The following TP53I13 variants were observed in gnomAD, a reference collection of about 807,000 sequenced individuals.
TP53I13 encodes tumor protein p53 inducible protein 13.
In TP53I13, 27 loss-of-function variants were observed where a neutral mutation model predicts 39.1. The observed-to-expected ratio is 0.69, with a 90% CI of 0.51 to 0.95. The LOEUF (loss-of-function observed/expected upper bound fraction) is 0.95, where lower values mean the gene tolerates loss of function less well. Ranked by LOEUF, TP53I13 falls within the 40% of genes least tolerant of loss-of-function variation. The pLI, the probability that TP53I13 is intolerant of heterozygous loss-of-function variation, is 0.00. For synonymous variants in TP53I13, 230 were observed against 224.6 expected, an observed-to-expected ratio of 1.02 and a Z score of -0.22; for missense variants, 544 against 520.4, an observed-to-expected ratio of 1.05 and a Z score of -0.44.
the TP53I13 span, chr17:29,578,648 G>A: frequency 4.0e-6 from 5 of 1,247,778 alleles, no homozygotes; most frequent in South Asian, 4.8e-5. Flanking sequence ...CATCGAGTCA[G>A]AGGCAGAGGA....
chr17:29,580,536 T>C, the TP53I13 span, among the ~76,000 whole-genome samples: 6 of 151,798 alleles, frequency 4.0e-5, no homozygotes, highest in African/African-American at 1.5e-4. Context: ...TGGCAGGGGG[T>C]GTCCCACACT....
rs371528446 is a variant in TP53I13, at chr17:29,572,155, C to A, written c.527C>A (p.Ala176Asp). The A allele has an allele frequency of 3.2e-5, 52 of 1,608,316 alleles. No individual in the cohort carries two copies. In the South Asian group the frequency reaches 4.8e-4, roughly 15 times the overall value. The change falls in exon 6 of 7, where the codon GCC becomes GAC. Residue 176 changes from alanine (A) to aspartate (D), a missense_variant. Ala to Asp is a moderately radical substitution (Grantham distance 126). Coordinates refer to ENST00000301057, the MANE Select transcript of TP53I13 (RefSeq NM_138349.4). ...TCCTCTCCTTAGGCCCTGGCTCTGG[C>A]CTTTGCTCTGCGGAGCTGGCGGCCC... ...RRGCVQALALAFALRSWRPPG... is the reference protein window; with the variant it reads ...RRGCVQALALDFALRSWRPPG...
the TP53I13 span, chr17:29,578,470 T>G: frequency 9.1e-7 from 1 of 1,103,074 alleles, no homozygotes; most frequent in African/African-American, 1.5e-5. Context: ...ACCGGTGGCC[T>G]TCCTTGTGCT....
chr17:29,577,299 G>T, downstream of TP53I13: 1 of 1,379,052 alleles, frequency 7.3e-7, no homozygotes, highest in Non-Finnish European at 1.0e-6. Flanking sequence ...TATGACTGAC[G>T]CAGGACGGCA....
intron 3 of TP53I13, chr17:29,570,865 A>G (rs1159850466): frequency 6.6e-6 from 1 of 152,304 alleles, no homozygotes; most frequent in African/African-American, 2.4e-5. Flanking sequence ...CCCTCCTGCC[A>G]TACTCCCCCA....
the TP53I13 span, chr17:29,581,669 G>A: frequency 8.7e-7 from 1 of 1,151,830 alleles, no homozygotes; most frequent in Admixed American, 1.7e-5. This position sits in a 1 kb window ranked among gnomAD's most constrained non-coding sequence, Gnocchi z 4.8. Context: ...CCTGCTGCCG[G>A]GTGCGTCCAG....
At position 29,572,331 on chromosome 17, in the gene TP53I13, T is replaced by G; in HGVS notation, c.703T>G (p.Ser235Ala). 6.2e-7 allele frequency: 1 copy of G among 1,611,868 alleles called. No homozygotes were observed. The highest frequency in any genetic ancestry group is 8.5e-7 in the Non-Finnish European group (1 of 1,179,172). The change falls in exon 6 of 7, where the codon TCC becomes GCC. Residue 235 changes from serine (S) to alanine (A), a missense_variant. Coordinates refer to ENST00000301057, the MANE Select transcript of TP53I13 (RefSeq NM_138349.4). Reference sequence around the variant, plus strand: ...CCCAGGGAGCTTGAAGGCCAAGCAGTCCATGGCGGGAATCCCTGGTAGGGA... The same window carrying G: ...CCCAGGGAGCTTGAAGGCCAAGCAGGCCATGGCGGGAATCCCTGGTAGGGA... ...ASPGSLKAKQ[S>A]MAGIPGRESN...
chr17:29,577,837 A>G (rs529707796), downstream of TP53I13: 15 of 764,390 alleles, frequency 2.0e-5, no homozygotes, highest in Middle Eastern at 1.7e-3. Context: ...AGCTGCCCCC[A>G]CGCCTACTGA....
chr17:29,574,922 G>A, downstream of TP53I13: 5 of 1,552,044 alleles, frequency 3.2e-6, no homozygotes, highest in Non-Finnish European at 3.5e-6. Context: ...CCTCTGGAGG[G>A]GGCAGGAGTG....
At chr17:29,575,416 C>T, downstream of TP53I13, 1 of 1,613,298 alleles carries the variant, frequency 6.2e-7, no homozygotes, top group Non-Finnish European at 8.5e-7. This position sits in a 1 kb window ranked among gnomAD's most constrained non-coding sequence, Gnocchi z 5.5. Flanking sequence ...GGCTTTCCAG[C>T]TCTGGGTGGA....
the TP53I13 span, chr17:29,581,760 G>A: frequency 1.2e-6 from 2 of 1,611,068 alleles, no homozygotes; most frequent in Non-Finnish European, 1.7e-6. The surrounding 1 kb of genome is among the most constrained non-coding windows in gnomAD (Gnocchi z 4.8). Context: ...CGTCCACAGA[G>A]GTAGAAGGCC....
chr17:29,568,664 GC>G (rs200199476), upstream of TP53I13: 371,536 of 819,156 alleles, frequency 0.45, 86,372 homozygotes, highest in East Asian at 0.67. This position sits in a 1 kb window ranked among gnomAD's most constrained non-coding sequence, Gnocchi z 4.5. Context: ...GGCGGCGCGG[GC>G]GGCGCGGGGG....
downstream of TP53I13, chr17:29,573,344 A>C (rs2033049355): frequency 6.1e-6 from 1 of 163,962 alleles, no homozygotes; most frequent in Non-Finnish European, 1.3e-5. Flanking sequence ...TTATTCGCAA[A>C]CTAACTCTTC....
At chr17:29,575,317 C>T (rs1409281787), downstream of TP53I13, 1 of 1,613,260 alleles carries the variant, frequency 6.2e-7, no homozygotes, top group Non-Finnish European at 8.5e-7. The surrounding 1 kb of genome is among the most constrained non-coding windows in gnomAD (Gnocchi z 5.5). Context: ...GGGCTGCCCG[C>T]AACAGTTCCT....
At chr17:29,566,917 A>G, upstream of TP53I13, 1 of 1,486,932 alleles carries the variant, frequency 6.7e-7, no homozygotes, top group Non-Finnish European at 8.9e-7. Flanking sequence ...CAGGCCGAGA[A>G]GGGCGAGCAC....
chr17:29,570,966 A>C (rs533535734), intron 3 of TP53I13: 3 of 152,268 alleles, frequency 2.0e-5, no homozygotes, highest in Non-Finnish European at 4.4e-5. Context: ...CTCTGAATCT[A>C]TCTCTGATAA....
In TP53I13 at chr17:29,571,858, C is replaced by G. The variant is rs771702817; in HGVS notation, c.314C>G (p.Pro105Arg). The change falls in exon 5 of 7, where the codon CCC becomes CGC. Residue 105 changes from proline to arginine, a missense_variant and splice_region_variant. Coordinates refer to ENST00000301057, the MANE Select transcript of TP53I13 (RefSeq NM_138349.4). ...TPDFSLTQDR[P>R]LVLTAWGLAL... ...TCTAACAGTTACCTCCTCTCGTAGC[C>G]CCTGGTGCTGACTGCATGGGGGCTG... is the stretch of plus-strand genomic sequence containing the variant. 1.1e-5 allele frequency: 17 copies of G among 1,613,134 alleles called. No homozygotes were observed. The East Asian group carries it at 3.6e-4, about 34-fold the overall frequency.
At position 29,569,345 on chromosome 17, in the gene TP53I13, G is replaced by T; in HGVS notation, c.169G>T (p.Val57Leu). 1 of 1,613,860 alleles carries T rather than the reference G, an allele frequency of 6.2e-7. No homozygotes were observed. Reference sequence around the variant, plus strand: ...GTCACCAAGAGTGACCTACACACGAGTGAGCCCAGGGCAGGTGAGTACAAG... The same window carrying T: ...GTCACCAAGAGTGACCTACACACGATTGAGCCCAGGGCAGGTGAGTACAAG... ...QVSPRVTYTR[V>L]SPGQAEDVTF... is the part of the protein sequence containing the mutation. The change falls in exon 3 of 7, where the codon GTG becomes TTG. Residue 57 changes from valine to leucine, a missense_variant. By Grantham distance (32) the Val-to-Leu change is conservative (BLOSUM62 1). Transcript: ENST00000301057.
chr17:29,577,500 C>G (rs1443264409), downstream of TP53I13: 5 of 707,648 alleles, frequency 7.1e-6, no homozygotes, highest in Non-Finnish European at 1.3e-5. Flanking sequence ...GCCTCCTGAC[C>G]TTCCCAAATC....
Sources: gnomAD v4.1 joint callset for allele counts (sites outside exome capture counted in the v4.1 genomes callset) on GRCh38, gnomAD v4.1.1 for gene constraint, Gnocchi (gnomAD v3.1) non-coding constraint, MANE v1.5 for transcripts, NCBI Gene and HGNC (gene_info 2026-07-23, HGNC 2026-07-21) for gene names.